Variants in CEP76 observed in about 807,000 individuals in gnomAD.
The protein encoded by CEP76 is centrosomal protein of 76 kDa.
A neutral mutation model predicts 83.3 loss-of-function variants in CEP76; 55 were observed. The observed-to-expected ratio is 0.66, with a 90% CI of 0.53 to 0.83. CEP76 has a LOEUF of 0.83. Ranked by LOEUF, CEP76 falls within the 40% of genes least tolerant of loss-of-function variation. The probability of loss-of-function intolerance (pLI) is 0.00; values close to 1 mark genes in which losing one functional copy is unlikely to be tolerated. For missense variants in CEP76, 694 were observed against 799.5 expected, an observed-to-expected ratio of 0.87 and a Z score of 1.59; for synonymous variants, 270 against 274.5, an observed-to-expected ratio of 0.98 and a Z score of 0.16.
intron 12 of CEP76, chr18:12,665,104 A>G (rs1385148884): frequency 6.6e-6 from 1 of 151,766 alleles, no homozygotes; most frequent in Non-Finnish European, 1.5e-5. Context: ...TATGCATTCT[A>G]CTTTGACCCT....
At chr18:12,699,951 A>G (rs941832667) in intron 2 of CEP76, 46 bp from the exon 3 acceptor site, 3 of 1,302,524 alleles carry the variant, frequency 2.3e-6, no homozygotes, top group African/African-American at 1.5e-5. Context: ...GAAAACAATT[A>G]TAGGTTAAGG....
At chr18:12,676,045 C>CA (rs1226741966) in intron 10 of CEP76, among the ~76,000 whole-genome samples, 3 of 151,992 alleles carry the variant, frequency 2.0e-5, no homozygotes, top group Non-Finnish European at 4.4e-5. Context: ...ATTACAAATA[C>CA]AAAAAATTCT....
chr18:12,689,497 C>A (rs1424032046), intron 7 of CEP76, among the ~76,000 whole-genome samples: 3 of 152,196 alleles, frequency 2.0e-5, no homozygotes, highest in Non-Finnish European at 4.4e-5. Context: ...GGCCACTTGA[C>A]AATCTTATAT....
rs1347087000 is a variant in CEP76 at position 12,673,103 on chromosome 18, AAAC to A, written c.*259_*261del. The A allele has an allele frequency of 9.6e-7, 1 of 1,036,572 alleles. No homozygotes were observed. Among genetic ancestry groups the A allele is most frequent in the Non-Finnish European group, 1.2e-6 (1 of 843,872 alleles). 64.2% of individuals were successfully genotyped at this position (1,036,572 alleles called of 1,614,324 possible). A position where few individuals can be genotyped will look rare whatever the true frequency, so the allele number is the denominator to read the frequency against. On this transcript the variant is annotated 3_prime_UTR_variant, in exon 12 of 12. Transcript: ENST00000262127. ...TAATATTTAAACTACTGATAACTGT[AAAC>A]AAAGTAGCATTTATTAAAATAGAAT... is the stretch of plus-strand genomic sequence containing the variant.
At chr18:12,675,379 G>A (rs939697467) in intron 10 of CEP76, among the ~76,000 whole-genome samples, 1 of 152,080 alleles carries the variant, frequency 6.6e-6, no homozygotes, top group Non-Finnish European at 1.5e-5. Flanking sequence ...CTGGGCAACA[G>A]AGCGAGACTC....
chr18:12,667,131 A>G (rs981353232), intron 12 of CEP76, among the ~76,000 whole-genome samples: 4 of 152,214 alleles, frequency 2.6e-5, no homozygotes, highest in African/African-American at 9.6e-5. Context: ...AAATAGTGAT[A>G]AAAATCATTA....
chr18:12,684,088 G>T (rs113680977), intron 8 of CEP76, among the ~76,000 whole-genome samples: 12 of 151,042 alleles, frequency 7.9e-5, no homozygotes, highest in Admixed American at 2.6e-4. Context: ...GCAGTGGCGC[G>T]ATCTCAGCTC....
In CEP76 at chr18:12,697,222, C is replaced by A. The variant is rs768783235; in HGVS notation, c.706+1G>T. The A allele has an allele frequency of 5.0e-6, 8 of 1,607,296 alleles. No individual in the cohort carries two copies. The highest frequency in any genetic ancestry group is 6.8e-6 in the Non-Finnish European group (8 of 1,175,592). On this transcript the variant is annotated splice_donor_variant, in intron 5 of 11. Coordinates refer to ENST00000262127, the MANE Select transcript of CEP76 (RefSeq NM_024899.4). LOFTEE classifies it high-confidence loss of function. ...TAACAATGATATATTAATCACCATA[C>A]CTACACCCATAAGTTCCACAGTCAG...
chr18:12,670,766 G>A (rs2038922248), downstream of CEP76: 2 of 151,658 alleles, frequency 1.3e-5, no homozygotes, highest in African/African-American at 4.8e-5. Flanking sequence ...ACCCACCTCA[G>A]CCTCCCAAGC....
chr18:12,676,588 A>G (rs1341518245), intron 10 of CEP76, among the ~76,000 whole-genome samples: 5 of 152,162 alleles, frequency 3.3e-5, no homozygotes, highest in Non-Finnish European at 4.4e-5. Flanking sequence ...AGTAATTTTT[A>G]TAAGATATTG....
chr18:12,694,039 C>T (rs2039863848), intron 6 of CEP76, among the ~76,000 whole-genome samples: 1 of 152,024 alleles, frequency 6.6e-6, no homozygotes, highest in Non-Finnish European at 1.5e-5. Context: ...CACTATGTTG[C>T]CCAAGCTGGT....
intron 8 of CEP76, among the ~76,000 whole-genome samples, chr18:12,681,532 G>A (rs1224598743): frequency 6.6e-6 from 1 of 152,028 alleles, no homozygotes; most frequent in African/African-American, 2.4e-5. Flanking sequence ...TTACAGGCAT[G>A]AGCTCCTGTG....
downstream of CEP76, among the ~76,000 whole-genome samples, chr18:12,672,037 CT>C (rs1302510689): frequency 6.6e-6 from 1 of 151,756 alleles, no homozygotes; most frequent in Non-Finnish European, 1.5e-5. Context: ...CCAGGCTGGT[CT>C]TGAACCCCTG....
At chr18:12,699,984 G>A in intron 2 of CEP76, 79 bp from the exon 3 acceptor site, 1 of 880,254 alleles carries the variant, frequency 1.1e-6, no homozygotes, top group Non-Finnish European at 1.7e-6. Flanking sequence ...ACATGACTAA[G>A]CACTGAACCT....
Position 12,699,064 on chromosome 18 carries a change from T to G in CEP76, c.435A>C (p.Gln145His), listed in dbSNP as rs528967798. Residue 145 changes from glutamine (Q) to histidine (H), a missense_variant, in exon 4 of 12, where the codon CAA becomes CAC. Coordinates refer to ENST00000262127, the MANE Select transcript of CEP76 (RefSeq NM_024899.4). ...TFTLCLHYRN[Q>H]RFRSKPVPCA... ...ATGGAACAGGTTTAGAACGAAAACGTTGGTTTCGATAATGTAAACATAAAG... is the reference window on the plus strand; with the variant it reads ...ATGGAACAGGTTTAGAACGAAAACGGTGGTTTCGATAATGTAAACATAAAG... 6.2e-7 allele frequency: 1 copy of G among 1,614,106 alleles called. No individual in the cohort carries two copies. Among genetic ancestry groups the G allele is most frequent in the East Asian group, 2.2e-5 (1 of 44,868 alleles).
chr18:12,663,913 C>T (rs1050099343), intron 12 of CEP76, among the ~76,000 whole-genome samples: 7 of 152,132 alleles, frequency 4.6e-5, no homozygotes, highest in South Asian at 2.1e-4. Flanking sequence ...GCCTGTAATC[C>T]CAGCACTTTG....
chr18:12,702,739 G>C (rs768536748), upstream of CEP76: 4 of 624,654 alleles, frequency 6.4e-6, no homozygotes, highest in Non-Finnish European at 1.1e-5. Context: ...CCCGGCGGCG[G>C]CGGCGCCAAC....
At position 12,702,690 on chromosome 18, in the gene CEP76, A is replaced by T; in HGVS notation, c.-142T>A. On this transcript the variant is annotated 5_prime_UTR_variant, in exon 1 of 12. Transcript: ENST00000262127. The stretch of plus-strand genomic sequence containing the variant: ...GCCTAGCGCAGCTCCCGGGGGACGC[A>T]ACGCCGCGTCAGGCCGGGGGCTGAC... The T allele has an allele frequency of 1.1e-6, 1 of 917,488 alleles. No individual in the cohort carries two copies. Among genetic ancestry groups the T allele is most frequent in the Non-Finnish European group, 1.6e-6 (1 of 637,850 alleles). The allele number at this position is 917,488 out of a possible 1,614,324, so 56.8% of individuals were successfully genotyped here.
At chr18:12,697,460 C>A in intron 4 of CEP76, 52 bp from the exon 5 acceptor site, 1 of 1,192,208 alleles carries the variant, frequency 8.4e-7, no homozygotes, top group Non-Finnish European at 1.2e-6. Flanking sequence ...TCAGTTAGGC[C>A]AACATAAAAG....
Sources: allele counts gnomAD v4.1 joint callset (sites outside exome capture counted in the v4.1 genomes callset), GRCh38; gene constraint gnomAD v4.1.1; transcripts MANE v1.5; gene names NCBI Gene and HGNC (gene_info 2026-07-23, HGNC 2026-07-21).